The following GALNT15 variants were observed in gnomAD, a reference collection of about 807,000 sequenced individuals.
GALNT15 encodes polypeptide N-acetylgalactosaminyltransferase 15.
In GALNT15, 67 loss-of-function variants were observed where a neutral mutation model predicts 66.8. The ratio of observed to expected loss-of-function variants is 1.00; its 90% confidence interval spans 0.82 to 1.23. The LOEUF (loss-of-function observed/expected upper bound fraction) is 1.23. Among genes scored for constraint, GALNT15 ranks in the 50% most tolerant of loss-of-function variants. GALNT15 has a pLI of 0.00. For synonymous variants in GALNT15, 313 were observed against 311.5 expected (o/e 1.00, Z -0.05); for missense variants, 827 against 804.3 (o/e 1.03, Z -0.34).
intron 1 of GALNT15, among the ~76,000 whole-genome samples, chr3:16,194,232 A>T (rs2063609038): frequency 6.6e-6 from 1 of 152,216 alleles, no homozygotes; most frequent in South Asian, 2.1e-4. Flanking sequence ...GTGCAGTGAT[A>T]TATTAAAGGC....
chr3:16,212,460 G>A, intron 5 of GALNT15, 109 bp from the exon 6 acceptor site: 1 of 971,004 alleles, frequency 1.0e-6, no homozygotes, highest in South Asian at 1.7e-5. Flanking sequence ...ACCATTGAGT[G>A]CTCACGATTT....
rs2063927163 is a variant in GALNT15, at chr3:16,220,109, A to G, written c.1629+95A>G. ...GATGCCCCATACTTCCCTTTGAGGT[A>G]TCTTCTTTCTGTGGTCCCATGTCCC... On this transcript the variant is annotated intron_variant, in intron 8 of 9. Coordinates refer to ENST00000339732, the MANE Select transcript of GALNT15 (RefSeq NM_054110.5). 5 of 951,932 alleles carry G rather than the reference A, an allele frequency of 5.3e-6. No individual in the cohort carries two copies. In the East Asian group the frequency reaches 9.6e-5, roughly 18 times the overall value. 59.0% of individuals were successfully genotyped at this position (951,932 alleles called of 1,614,324 possible). A position where few individuals can be genotyped will look rare whatever the true frequency, so the allele number is the denominator to read the frequency against.
intron 1 of GALNT15, among the ~76,000 whole-genome samples, chr3:16,192,008 TTC>T (rs2063584293): frequency 6.6e-6 from 1 of 152,200 alleles, no homozygotes; most frequent in Non-Finnish European, 1.5e-5. Context: ...TATTCTTTGA[TTC>T]TCTCAATGGG....
the GALNT15 span, among the ~76,000 whole-genome samples, chr3:16,248,220 G>T: frequency 7.9e-5 from 12 of 152,126 alleles, no homozygotes; most frequent in African/African-American, 2.9e-4. The surrounding 1 kb of genome is among the most constrained non-coding windows in gnomAD (Gnocchi z 4.9). Flanking sequence ...CATCCTCGTG[G>T]TCTATGCCCT....
chr3:16,208,569 G>T lies in GALNT15; in HGVS notation c.978G>T (p.Lys326Asn), dbSNP rs780610574. Residue 326 changes from lysine (K) to asparagine (N), a missense_variant, in exon 4 of 10, where the codon AAG becomes AAT. Coordinates refer to ENST00000339732, the MANE Select transcript of GALNT15 (RefSeq NM_054110.5). ...AGACTTTCCAGTATTACCCCTCAAA[G>T]GACCTGCAGCGTGGGGTGTTGGACT... is the stretch of plus-strand genomic sequence containing the variant. ...DWKTFQYYPS[K>N]DLQRGVLDWK... The T allele has an allele frequency of 6.2e-7, 1 of 1,614,140 alleles. No individual in the cohort carries two copies. Among genetic ancestry groups the T allele is most frequent in the Non-Finnish European group, 8.5e-7 (1 of 1,180,022 alleles).
At position 16,195,689 on chromosome 3, in the gene GALNT15, C is replaced by G. The variant is rs1350090968; in HGVS notation, c.540-71C>G. On this transcript the variant is annotated intron_variant, in intron 1 of 9. Coordinates refer to ENST00000339732, the MANE Select transcript of GALNT15 (RefSeq NM_054110.5). The surrounding 1 kb of genome is among the most constrained non-coding windows in gnomAD (Gnocchi z 4.6). The stretch of plus-strand genomic sequence containing the variant: ...GCAGCTCCAGCCAGAGCAAAGGAAG[C>G]GAGTTAGAGGGTGTGGAGTGTTTCT... 1 of 1,385,214 alleles carries G rather than the reference C, an allele frequency of 7.2e-7. No individual in the cohort carries two copies. The highest frequency in any genetic ancestry group is 1.4e-5 in the South Asian group (1 of 73,018). The allele number at this position is 1,385,214 out of a possible 1,614,324, so 85.8% of individuals were successfully genotyped here.
At chr3:16,233,682 A>G (rs537449461), downstream of GALNT15, among the ~76,000 whole-genome samples, 23 of 152,070 alleles carry the variant, frequency 1.5e-4, no homozygotes, top group African/African-American at 5.3e-4. Context: ...CTTTTCCTCT[A>G]TCTGGGCCTC....
At chr3:16,236,104 C>CAAAAAAAGAAAAAAAAAAAAAAAAAA (rs2064123930), downstream of GALNT15, among the ~76,000 whole-genome samples, 1 of 23,396 alleles carries the variant, frequency 4.3e-5, no homozygotes, top group Non-Finnish European at 8.6e-5. Context: ...GACTATGTCT[C>CAAAAAAAGAAAAAAAAAAAAAAAAAA]AAAAAAAAAA....
downstream of GALNT15, among the ~76,000 whole-genome samples, chr3:16,233,182 A>G (rs2672565): frequency 0.71 from 103,884 of 146,552 alleles, 36,842 homozygotes; most frequent in African/African-American, 0.75. Flanking sequence ...TGCAAACTCC[A>G]CCTCCTGGGT....
chr3:16,242,515 T>C, the GALNT15 span, among the ~76,000 whole-genome samples: 1 of 151,968 alleles, frequency 6.6e-6, no homozygotes, highest in African/African-American at 2.4e-5. The surrounding 1 kb of genome is among the most constrained non-coding windows in gnomAD (Gnocchi z 5.6). Flanking sequence ...CCCAGCACTT[T>C]AGGAGGCCGA....
rs2063522094 is a variant in GALNT15 at position 16,186,890 on chromosome 3, T to TGGG, written c.540-8870_540-8869insGGG. On this transcript the variant is annotated intron_variant, in intron 1 of 9. Coordinates refer to ENST00000339732, the MANE Select transcript of GALNT15 (RefSeq NM_054110.5). This position sits in a 1 kb window ranked among gnomAD's most constrained non-coding sequence, Gnocchi z 5.1. ...TGGTGATGGCTGCACACCTTTATAC[T>TGGG]TGAATCCATGGAATTGTACACTTTA... is the stretch of plus-strand genomic sequence containing the variant. Among the ~76,000 whole-genome samples, 1 of 152,168 alleles carries TGGG rather than the reference T, an allele frequency of 6.6e-6. No individual in the cohort carries two copies. The highest frequency in any genetic ancestry group is 1.5e-5 in the Non-Finnish European group (1 of 68,030).
At chr3:16,177,533 T>C (rs1377143545) in intron 1 of GALNT15, among the ~76,000 whole-genome samples, 1 of 152,258 alleles carries the variant, frequency 6.6e-6, no homozygotes, top group Non-Finnish European at 1.5e-5. Context: ...ATGTGGTGCC[T>C]ATATGCTTGG....
rs533060132 is a variant in GALNT15 at position 16,186,994 on chromosome 3, G to A, written c.540-8766G>A. ...ACATTAGTGATTTCAGGCCGGGCGTGGTGGCTCACTCCTGTAATCCCAGCA... is the reference window on the plus strand; with the variant it reads ...ACATTAGTGATTTCAGGCCGGGCGTAGTGGCTCACTCCTGTAATCCCAGCA... On this transcript the variant is annotated intron_variant, in intron 1 of 9. Transcript: ENST00000339732. This position sits in a 1 kb window ranked among gnomAD's most constrained non-coding sequence, Gnocchi z 5.1. Among the ~76,000 whole-genome samples, 3 of 152,288 alleles carry A rather than the reference G, an allele frequency of 2.0e-5. No individual in the cohort carries two copies. The South Asian group carries it at 6.2e-4, about 32-fold the overall frequency.
intron 6 of GALNT15, among the ~76,000 whole-genome samples, chr3:16,216,392 G>A (rs985428543): frequency 6.6e-6 from 1 of 152,012 alleles, no homozygotes; most frequent in Non-Finnish European, 1.5e-5. Context: ...CCAGCTACTC[G>A]GGAGGCTGAG....
At chr3:16,215,901 T>G (rs1574992604) in intron 6 of GALNT15, among the ~76,000 whole-genome samples, 1 of 76,824 alleles carries the variant, frequency 1.3e-5, no homozygotes, top group Admixed American at 1.9e-4. Context: ...AGAGGGAGAC[T>G]CCGCCAAAAA....
At chr3:16,205,848 C>T (rs190663306) in intron 3 of GALNT15, among the ~76,000 whole-genome samples, 205 of 152,136 alleles carry the variant, frequency 1.3e-3, no homozygotes, top group African/African-American at 4.6e-3. Context: ...TTATCTCTAT[C>T]CAAAATGTAC....
chr3:16,231,737 G>A (rs1430824937), downstream of GALNT15: 2 of 1,361,172 alleles, frequency 1.5e-6, no homozygotes, highest in East Asian at 2.5e-5. This position sits in a 1 kb window ranked among gnomAD's most constrained non-coding sequence, Gnocchi z 4.1. Context: ...TATGACAAAT[G>A]CTAAAATGAT....
At chr3:16,177,026 G>A (rs2063417773) in intron 1 of GALNT15, among the ~76,000 whole-genome samples, 1 of 152,052 alleles carries the variant, frequency 6.6e-6, no homozygotes, top group Non-Finnish European at 1.5e-5. Context: ...TTCTAGTTTT[G>A]TGCCCTCCTT....
the GALNT15 span, among the ~76,000 whole-genome samples, chr3:16,238,334 A>G: frequency 6.6e-6 from 1 of 151,856 alleles, no homozygotes; most frequent in Non-Finnish European, 1.5e-5. This position sits in a 1 kb window ranked among gnomAD's most constrained non-coding sequence, Gnocchi z 4.8. Context: ...AATAACAACA[A>G]CCATAGTGCT....
Sources: gnomAD v4.1 joint callset for allele counts (sites outside exome capture counted in the v4.1 genomes callset) on GRCh38, gnomAD v4.1.1 for gene constraint, Gnocchi (gnomAD v3.1) non-coding constraint, MANE v1.5 for transcripts, NCBI Gene and HGNC (gene_info 2026-07-23, HGNC 2026-07-21) for gene names.